The following PDE4B variants were observed in gnomAD, a reference collection of about 807,000 sequenced individuals.
PDE4B encodes 3',5'-cyclic-AMP phosphodiesterase 4B.
Under a neutral mutation model 82.2 loss-of-function variants are expected in PDE4B, and 20 were observed. The observed-to-expected ratio is 0.24, with a 90% CI of 0.17 to 0.35. The LOEUF is 0.35. Among genes scored for constraint, PDE4B ranks in the 10% least tolerant of loss-of-function variants. The probability of loss-of-function intolerance (pLI) is 1.00; values close to 1 mark genes in which losing one functional copy is unlikely to be tolerated. For synonymous variants in PDE4B, 320 were observed against 318.9 expected (o/e 1.00, Z -0.04); for missense variants, 655 against 907.2 (o/e 0.72, Z 3.57).
chr1:66,135,248 T>C (rs1260236166), intron 3 of PDE4B, among the ~76,000 whole-genome samples: 1 of 152,236 alleles, frequency 6.6e-6, no homozygotes, highest in African/African-American at 2.4e-5. Context: ...CAAAGATTAC[T>C]TTGATGAAGA....
chr1:66,313,749 A>T (rs1257525739), intron 7 of PDE4B, among the ~76,000 whole-genome samples: 1 of 152,152 alleles, frequency 6.6e-6, no homozygotes, highest in Admixed American at 6.5e-5. Flanking sequence ...TTGCTGAGAT[A>T]ATTTGGGGGA....
At chr1:66,358,040 C>T (rs1005308248) in intron 9 of PDE4B, among the ~76,000 whole-genome samples, 5 of 152,154 alleles carry the variant, frequency 3.3e-5, no homozygotes, top group African/African-American at 9.7e-5. Context: ...GATGAATGTT[C>T]CTGGAAGACC....
At chr1:66,331,654 A>G (rs2101914483) in intron 7 of PDE4B, 1 of 669,342 alleles carries the variant, frequency 1.5e-6, no homozygotes, top group East Asian at 1.4e-4. Flanking sequence ...AATCAAAATA[A>G]AAATCTGCAG....
chr1:66,062,675 T>C (rs1655639007), intron 3 of PDE4B, among the ~76,000 whole-genome samples: 1 of 152,022 alleles, frequency 6.6e-6, no homozygotes, highest in East Asian at 1.9e-4. Flanking sequence ...CAGCCTTTGG[T>C]AGAAATTAGG....
chr1:66,368,162 A>T, intron 15 of PDE4B, 97 bp downstream of exon 15: 7 of 1,325,656 alleles, frequency 5.3e-6, no homozygotes, highest in Non-Finnish European at 7.4e-6. Flanking sequence ...AGTTATTGGT[A>T]TATCCTAGGC....
chr1:66,331,966 C>A (rs1660145726), intron 7 of PDE4B: 2 of 1,012,038 alleles, frequency 2.0e-6, no homozygotes, highest in Middle Eastern at 5.0e-4. Context: ...ACACAATCCT[C>A]AGGATGAATG....
intron 1 of PDE4B, among the ~76,000 whole-genome samples, chr1:65,793,794 G>T (rs1469513110): frequency 6.6e-6 from 1 of 152,148 alleles, no homozygotes; most frequent in Non-Finnish European, 1.5e-5. Context: ...TTGGTGAGGG[G>T]GCTTGGACCT....
At chr1:65,798,739 T>C (rs1287452831) in intron 1 of PDE4B, among the ~76,000 whole-genome samples, 1 of 152,230 alleles carries the variant, frequency 6.6e-6, no homozygotes, top group Admixed American at 6.5e-5. Flanking sequence ...TTCCCTGTAA[T>C]ATATATCTGT....
chr1:66,304,009 C>A (rs12134941), intron 7 of PDE4B, among the ~76,000 whole-genome samples: 2 of 152,054 alleles, frequency 1.3e-5, no homozygotes, highest in East Asian at 1.9e-4. Context: ...GATAGAATAT[C>A]GTAAATATGG....
chr1:65,792,980 CCG>C lies in PDE4B; in HGVS notation c.-329_-328del, dbSNP rs1645588660. ...TCCCCAGGCTAGCCCGCTGGCCCGTCCGCGCGCGCGCCCCCGGCCCGCGCGCC... is the reference window on the plus strand; with the variant it reads ...TCCCCAGGCTAGCCCGCTGGCCCGTCCGCGCGCGCCCCCGGCCCGCGCGCC... On this transcript the variant is annotated 5_prime_UTR_variant, in exon 1 of 17. Coordinates refer to ENST00000341517, the MANE Select transcript of PDE4B (RefSeq NM_002600.4). Among the ~76,000 whole-genome samples the C allele has an allele frequency of 2.0e-5, 3 of 151,608 alleles. No homozygotes were observed. Among genetic ancestry groups the C allele is most frequent in the South Asian group, 2.1e-4 (1 of 4,830 alleles).
chr1:66,362,270 A>C (rs1662839664), intron 10 of PDE4B, among the ~76,000 whole-genome samples: 2 of 152,186 alleles, frequency 1.3e-5, no homozygotes, highest in Admixed American at 6.5e-5. Flanking sequence ...ATCTGCACTA[A>C]TCTGTAGTGC....
At chr1:66,355,184 A>T (rs1336210088) in intron 8 of PDE4B, 1 of 365,220 alleles carries the variant, frequency 2.7e-6, no homozygotes, top group East Asian at 4.4e-5. Flanking sequence ...CAAATAGGTT[A>T]TTAAATTATA....
chr1:66,346,840 A>G (rs1661430776), intron 8 of PDE4B, among the ~76,000 whole-genome samples: 1 of 152,184 alleles, frequency 6.6e-6, no homozygotes, highest in African/African-American at 2.4e-5. Context: ...CCTGTGGAAG[A>G]AAGAGCACAC....
At chr1:65,823,552 C>T (rs1645980232) in intron 1 of PDE4B, among the ~76,000 whole-genome samples, 2 of 152,124 alleles carry the variant, frequency 1.3e-5, no homozygotes, top group Non-Finnish European at 2.9e-5. Context: ...TATAACGTCT[C>T]ATCTGTTTGC....
chr1:66,296,986 GT>G (rs1196138212), intron 7 of PDE4B, among the ~76,000 whole-genome samples: 1 of 152,154 alleles, frequency 6.6e-6, no homozygotes, highest in Non-Finnish European at 1.5e-5. Flanking sequence ...TAGAAATTAA[GT>G]TTAATCATTC....
At chr1:66,368,213 G>A (rs1293617919) in intron 15 of PDE4B, 148 bp downstream of exon 15, 3 of 665,818 alleles carry the variant, frequency 4.5e-6, no homozygotes, top group Admixed American at 6.5e-5. Context: ...ACAAGCTAAG[G>A]AAAATGGACA....
intron 1 of PDE4B, among the ~76,000 whole-genome samples, chr1:65,818,197 C>T (rs1030679065): frequency 4.6e-5 from 7 of 152,142 alleles, no homozygotes; most frequent in African/African-American, 1.7e-4. Context: ...ATTCTTCAGC[C>T]ACTTTCTATG....
Position 65,901,137 on chromosome 1 carries a change from C to G in PDE4B, c.-70-12108C>G, listed in dbSNP as rs75028896. Among the ~76,000 whole-genome samples the G allele has an allele frequency of 7.1e-4, 108 of 151,844 alleles. 3 individuals carry two copies. In the East Asian group the frequency reaches 0.02, roughly 29 times the overall value. ...TTTTGAGGGTATGTTTCTTTGATGC[C>G]TAATATGTTGAGAGTTTTTTCATGA... On this transcript the variant is annotated intron_variant, in intron 1 of 16. Transcript: ENST00000341517.
At chr1:66,224,186 C>T (rs531523497) in intron 3 of PDE4B, among the ~76,000 whole-genome samples, 2 of 152,244 alleles carry the variant, frequency 1.3e-5, no homozygotes, top group East Asian at 1.9e-4. Context: ...TACTCCATTA[C>T]GACTTCCAGC....
Sources: gnomAD v4.1 joint callset for allele counts (sites outside exome capture counted in the v4.1 genomes callset) on GRCh38, gnomAD v4.1.1 for gene constraint, MANE v1.5 for transcripts, NCBI Gene and HGNC (gene_info 2026-07-23, HGNC 2026-07-21) for gene names.